The following GRIK1 variants were observed in gnomAD, a reference collection of about 807,000 sequenced individuals.
GRIK1 encodes the protein glutamate ionotropic receptor kainate type subunit 1.
In GRIK1, 69 loss-of-function variants were observed where a neutral mutation model predicts 105.7. That is an observed-to-expected ratio of 0.65 (90% CI 0.54 to 0.80). The LOEUF is 0.80. Among genes scored for constraint, GRIK1 ranks in the 30% least tolerant of loss-of-function variants. The probability of loss-of-function intolerance (pLI) is 0.00; values close to 1 mark genes in which losing one functional copy is unlikely to be tolerated. For missense variants in GRIK1, 1,109 were observed against 1,167.3 expected (o/e 0.95, Z 0.73); for synonymous variants, 438 against 431.3 (o/e 1.02, Z -0.19).
At chr21:29,902,947 GA>G (rs1197100723) in intron 1 of GRIK1, among the ~76,000 whole-genome samples, 1 of 152,098 alleles carries the variant, frequency 6.6e-6, no homozygotes, top group Non-Finnish European at 1.5e-5. Flanking sequence ...TAGACCAATG[GA>G]ACAGAATGGA....
intron 12 of GRIK1, among the ~76,000 whole-genome samples, chr21:29,585,077 C>T (rs2091101687): frequency 6.6e-6 from 1 of 152,002 alleles, no homozygotes; most frequent in African/African-American, 2.4e-5. Flanking sequence ...ATGTATAACA[C>T]CTCCACGTGT....
chr21:29,620,575 A>T (rs998883450), intron 7 of GRIK1, among the ~76,000 whole-genome samples: 1 of 151,626 alleles, frequency 6.6e-6, no homozygotes, highest in Non-Finnish European at 1.5e-5. Flanking sequence ...TCTCTTTAGG[A>T]TAAGCTGGAC....
rs1430053876 is a variant in GRIK1, at chr21:29,792,814, A to ACTT, written c.119-98752_119-98751insAAG. Reference sequence around the variant, plus strand: ...TGAAAGTGACAGTACAAACGTAAACAACCTCATTAGCAGCTCTTACCAAAT... The same window carrying ACTT: ...TGAAAGTGACAGTACAAACGTAAACACTTACCTCATTAGCAGCTCTTACCAAAT... On this transcript the variant is annotated intron_variant, in intron 1 of 17. Coordinates refer to ENST00000327783, the MANE Select transcript of GRIK1 (RefSeq NM_001330994.2). 1.6e-4 allele frequency among the ~76,000 whole-genome samples: 25 copies of ACTT among 152,370 alleles called. No homozygotes were observed. The South Asian group carries it at 2.9e-3, about 18-fold the overall frequency.
intron 7 of GRIK1, among the ~76,000 whole-genome samples, chr21:29,640,106 C>A (rs1159481865): frequency 6.7e-6 from 1 of 148,794 alleles, no homozygotes; most frequent in African/African-American, 2.5e-5. Context: ...TGCTTCTTTT[C>A]ATTTTTTTTT....
intron 1 of GRIK1, among the ~76,000 whole-genome samples, chr21:29,856,491 C>T (rs2068468458): frequency 1.3e-5 from 2 of 152,108 alleles, no homozygotes; most frequent in South Asian, 2.1e-4. Context: ...AAATAAAAAG[C>T]CACACACAAA....
intron 7 of GRIK1, among the ~76,000 whole-genome samples, chr21:29,607,523 G>A (rs2061648612): frequency 6.6e-6 from 1 of 151,928 alleles, no homozygotes; most frequent in Non-Finnish European, 1.5e-5. Context: ...TTCTCATGTT[G>A]CAGAGAAACT....
intron 1 of GRIK1, among the ~76,000 whole-genome samples, chr21:29,884,712 T>A (rs1302622148): frequency 6.6e-6 from 1 of 152,070 alleles, no homozygotes; most frequent in Non-Finnish European, 1.5e-5. Flanking sequence ...AAAGTAGTTA[T>A]TATCTCCACC....
At chr21:29,865,585 ACACTGGGAACCT>A (rs1321862028) in intron 1 of GRIK1, among the ~76,000 whole-genome samples, 2 of 152,232 alleles carry the variant, frequency 1.3e-5, no homozygotes, top group African/African-American at 4.8e-5. Context: ...AATTTTGCAA[ACACTGGGAACCT>A]CAAACATCAC....
chr21:29,881,536 A>G (rs549830176), intron 1 of GRIK1, among the ~76,000 whole-genome samples: 3 of 152,086 alleles, frequency 2.0e-5, no homozygotes, highest in Non-Finnish European at 4.4e-5. Flanking sequence ...CTGGAACTCT[A>G]TTGGAAATGT....
At chr21:29,886,630 G>C (rs1047101966) in intron 1 of GRIK1, among the ~76,000 whole-genome samples, 3 of 152,116 alleles carry the variant, frequency 2.0e-5, no homozygotes, top group Non-Finnish European at 4.4e-5. Flanking sequence ...TTAAGGGTAA[G>C]TTCAAAAGAC....
Position 29,587,524 on chromosome 21 carries a change from G to C in GRIK1, c.1635C>G (p.Ser545=). 5.6e-6 allele frequency: 9 copies of C among 1,613,682 alleles called. No homozygotes were observed. The highest frequency in any genetic ancestry group is 7.6e-6 in the Non-Finnish European group (9 of 1,179,602). Residue 545 remains serine, a synonymous_variant, in exon 12 of 18, where the codon TCC becomes TCG. Coordinates refer to ENST00000327783, the MANE Select transcript of GRIK1 (RefSeq NM_001330994.2). ...TYVREKVIDF[S]KPFMTLGISI... Reference sequence around the variant, plus strand: ...TGATGCCTAGGGTCATGAAGGGTTTGGAGAAGTCAATGACTTTCTCCCGCA... The same window carrying C: ...TGATGCCTAGGGTCATGAAGGGTTTCGAGAAGTCAATGACTTTCTCCCGCA...
At chr21:29,596,405 T>C (rs747192142) in intron 9 of GRIK1, 121 bp downstream of exon 9, 2 of 785,826 alleles carry the variant, frequency 2.5e-6, no homozygotes, top group Admixed American at 3.4e-5. Flanking sequence ...TACATGGAAC[T>C]TCCCTTCTAA....
At chr21:29,833,918 G>A (rs2067709748) in intron 1 of GRIK1, among the ~76,000 whole-genome samples, 2 of 152,218 alleles carry the variant, frequency 1.3e-5, no homozygotes, top group South Asian at 4.2e-4. Flanking sequence ...TGGCATTTAT[G>A]GCAGCCCTGA....
chr21:29,644,727 C>T (rs1449915115), intron 6 of GRIK1, among the ~76,000 whole-genome samples: 1 of 152,178 alleles, frequency 6.6e-6, no homozygotes, highest in East Asian at 1.9e-4. Context: ...TTCTAGCACC[C>T]ATGATCTTTA....
At chr21:29,816,846 G>C (rs947314608) in intron 1 of GRIK1, among the ~76,000 whole-genome samples, 1 of 152,112 alleles carries the variant, frequency 6.6e-6, no homozygotes, top group African/African-American at 2.4e-5. Context: ...CAGTTGAATA[G>C]AAAGAGTAAG....
At chr21:29,785,835 T>C (rs1478889711) in intron 1 of GRIK1, among the ~76,000 whole-genome samples, 1 of 152,078 alleles carries the variant, frequency 6.6e-6, no homozygotes, top group African/African-American at 2.4e-5. Flanking sequence ...CTCTGAGAGA[T>C]TGGAGAGATG....
chr21:29,738,451 G>C (rs1156508942), intron 1 of GRIK1, among the ~76,000 whole-genome samples: 1 of 152,198 alleles, frequency 6.6e-6, no homozygotes, highest in Non-Finnish European at 1.5e-5. Flanking sequence ...CACTTGGAGA[G>C]AGTTGACTTC....
At chr21:29,574,058 A>G (rs1027024109) in intron 14 of GRIK1, among the ~76,000 whole-genome samples, 3 of 152,190 alleles carry the variant, frequency 2.0e-5, no homozygotes, top group African/African-American at 7.2e-5. Context: ...AAAATACTGT[A>G]TAAACTTACC....
intron 1 of GRIK1, among the ~76,000 whole-genome samples, chr21:29,773,868 C>G (rs181932060): frequency 2.0e-5 from 3 of 152,244 alleles, no homozygotes. Flanking sequence ...TACATTCATT[C>G]AACTTAAAAT....
Sources: gnomAD v4.1 joint callset for allele counts (sites outside exome capture counted in the v4.1 genomes callset) on GRCh38, gnomAD v4.1.1 for gene constraint, MANE v1.5 for transcripts, NCBI Gene and HGNC (gene_info 2026-07-23, HGNC 2026-07-21) for gene names.